The following LRRC4C variants were observed in gnomAD, a reference collection of about 807,000 sequenced individuals.
LRRC4C encodes the protein leucine-rich repeat-containing protein 4C.
Under a neutral mutation model 33.6 loss-of-function variants are expected in LRRC4C, and 5 were observed. The observed-to-expected ratio is 0.15, with a 90% confidence interval of 0.08 to 0.31. The LOEUF (loss-of-function observed/expected upper bound fraction) is 0.31, where lower values mean the gene tolerates loss of function less well. Ranked by LOEUF, LRRC4C falls within the 10% of genes least tolerant of loss-of-function variation. The pLI is 1.00. For synonymous variants in LRRC4C, 329 were observed against 302.0 expected, an observed-to-expected ratio of 1.09 and a Z score of -0.93; for missense variants, 560 against 796.7, an observed-to-expected ratio of 0.70 and a Z score of 3.58.
At chr11:40,679,567 T>A (rs114620761) in intron 2 of LRRC4C, among the ~76,000 whole-genome samples, 2,144 of 152,264 alleles carry the variant, frequency 0.014, 57 homozygotes, top group African/African-American at 0.045. Context: ...GGGCCTTGCA[T>A]CCCAGCATCT....
At chr11:40,382,158 AT>A (rs1027077416) in intron 3 of LRRC4C, among the ~76,000 whole-genome samples, 1 of 80,052 alleles carries the variant, frequency 1.2e-5, no homozygotes, top group Non-Finnish European at 2.6e-5. Context: ...TTTTTTTTGT[AT>A]TTCTAGTAGA....
chr11:41,167,307 C>T (rs986717563), intron 1 of LRRC4C, among the ~76,000 whole-genome samples: 2 of 152,158 alleles, frequency 1.3e-5, no homozygotes, highest in Non-Finnish European at 2.9e-5. Context: ...CTGCTAATTC[C>T]TCTGAGCAGG....
At chr11:40,141,908 A>G (rs542510564) in intron 5 of LRRC4C, among the ~76,000 whole-genome samples, 2 of 87,918 alleles carry the variant, frequency 2.3e-5, no homozygotes, top group East Asian at 5.8e-4. Flanking sequence ...AATGAATGTT[A>G]TTATTATGCA....
chr11:40,850,948 T>G (rs1464533176), intron 2 of LRRC4C, among the ~76,000 whole-genome samples: 2 of 151,230 alleles, frequency 1.3e-5, no homozygotes, highest in East Asian at 4.0e-4. Context: ...AACCACCTAC[T>G]CAAGCCTCAG....
At chr11:40,919,028 G>A (rs897688109) in intron 2 of LRRC4C, among the ~76,000 whole-genome samples, 35 of 152,068 alleles carry the variant, frequency 2.3e-4, no homozygotes, top group African/African-American at 8.5e-4. Flanking sequence ...ATAATTTGCT[G>A]CATTTGCTTT....
At chr11:41,031,230 C>A (rs1420597158) in intron 1 of LRRC4C, among the ~76,000 whole-genome samples, 1 of 151,920 alleles carries the variant, frequency 6.6e-6, no homozygotes, top group Non-Finnish European at 1.5e-5. Context: ...ACAGTTACTA[C>A]AGAAGCTACC....
In LRRC4C at chr11:41,372,785, CAAA is replaced by C. The variant is rs33945657; in HGVS notation, c.-496+86643_-496+86645del. 3.0e-3 allele frequency among the ~76,000 whole-genome samples: 349 copies of C among 118,014 alleles called. 2 individuals are homozygous for C. Among genetic ancestry groups the C allele is most frequent in the African/African-American group, 8.9e-3 (263 of 29,562 alleles). The allele number at this position is 118,014 out of a possible 152,430, so 77.4% of individuals were successfully genotyped here. On this transcript the variant is annotated intron_variant, in intron 1 of 6. Transcript: ENST00000528697. ...GTATGGTTTGTTTGCAAGAGGGCACCAAAAAAAAAAAAAAAAAAGAGTAACAGA... is the reference window on the plus strand; with the variant it reads ...GTATGGTTTGTTTGCAAGAGGGCACCAAAAAAAAAAAAAAAGAGTAACAGA...
intron 1 of LRRC4C, among the ~76,000 whole-genome samples, chr11:40,949,812 C>T (rs564786613): frequency 2.6e-5 from 4 of 151,790 alleles, no homozygotes; most frequent in Non-Finnish European, 5.9e-5. Context: ...CATCAACTAA[C>T]GAGCAAAATA....
intron 2 of LRRC4C, among the ~76,000 whole-genome samples, chr11:40,846,895 T>C (rs1383928487): frequency 6.6e-6 from 1 of 152,180 alleles, no homozygotes; most frequent in Non-Finnish European, 1.5e-5. Flanking sequence ...GTTGTATTTC[T>C]AGGTAATTTA....
chr11:40,763,963 G>A (rs1949340244), intron 2 of LRRC4C, among the ~76,000 whole-genome samples: 2 of 152,150 alleles, frequency 1.3e-5, no homozygotes, highest in African/African-American at 4.8e-5. Flanking sequence ...ATACAACCTA[G>A]TGAGACACAA....
intron 2 of LRRC4C, among the ~76,000 whole-genome samples, chr11:40,650,461 G>C (rs1942726475): frequency 6.6e-6 from 1 of 152,126 alleles, no homozygotes; most frequent in South Asian, 2.1e-4. Flanking sequence ...TGTATATGCT[G>C]TTTCCTTGTT....
In LRRC4C at chr11:41,281,042, T is replaced by TTCTCTCTCTCTCTCTCTCTCTCTCTC. The variant is rs71063910; in HGVS notation, c.-496+178363_-496+178388dup. On this transcript the variant is annotated intron_variant, in intron 1 of 6. Coordinates refer to ENST00000528697, the MANE Select transcript of LRRC4C (RefSeq NM_001258419.2). The stretch of plus-strand genomic sequence containing the variant: ...AGATAATCTCACTTAAATACATATT[T>TTCTCTCTCTCTCTCTCTCTCTCTCTC]TCTCTCTCTCTCTCTCTCTCTCTCT... Among the ~76,000 whole-genome samples, 13 of 76,214 alleles carry TTCTCTCTCTCTCTCTCTCTCTCTCTC rather than the reference T, an allele frequency of 1.7e-4. 1 individual carries two copies. The highest frequency in any genetic ancestry group is 1.1e-3 in the Admixed American group (5 of 4,552). 50.0% of individuals were successfully genotyped at this position (76,214 alleles called of 152,430 possible).
chr11:41,253,586 G>A (rs1458834387), intron 1 of LRRC4C, among the ~76,000 whole-genome samples: 1 of 152,076 alleles, frequency 6.6e-6, no homozygotes, highest in Non-Finnish European at 1.5e-5. Context: ...TCTTGTCCCA[G>A]CTCCATGATG....
At chr11:40,386,034 GA>G (rs2137400931) in intron 3 of LRRC4C, among the ~76,000 whole-genome samples, 2 of 150,754 alleles carry the variant, frequency 1.3e-5, no homozygotes, top group African/African-American at 4.8e-5. Flanking sequence ...ATGTACCCAT[GA>G]AACGAAAATA....
chr11:40,964,620 G>A (rs547818451), intron 1 of LRRC4C, among the ~76,000 whole-genome samples: 64 of 149,688 alleles, frequency 4.3e-4, no homozygotes, highest in African/African-American at 1.5e-3. Context: ...AATATGCGGT[G>A]TTTGGTTTTT....
At chr11:40,521,843 T>A (rs1955829627) in intron 3 of LRRC4C, among the ~76,000 whole-genome samples, 2 of 151,798 alleles carry the variant, frequency 1.3e-5, no homozygotes, top group Admixed American at 1.3e-4. Flanking sequence ...TACTCCAGCC[T>A]GGTGACAGAG....
At chr11:40,842,275 T>G (rs1270308890) in intron 2 of LRRC4C, among the ~76,000 whole-genome samples, 1 of 152,182 alleles carries the variant, frequency 6.6e-6, no homozygotes, top group Non-Finnish European at 1.5e-5. Flanking sequence ...TTCTGCCTCC[T>G]GCATCCCAAT....
chr11:40,425,405 A>T lies in LRRC4C; in HGVS notation c.-269-105684T>A, dbSNP rs937206797. Among the ~76,000 whole-genome samples, 6 of 152,298 alleles carry T rather than the reference A, an allele frequency of 3.9e-5. No homozygotes were observed. The South Asian group carries it at 6.2e-4, about 16-fold the overall frequency. On this transcript the variant is annotated intron_variant, in intron 3 of 6. Transcript: ENST00000528697. Reference sequence around the variant, plus strand: ...AGAAAGGGATGAGGTATTTTTGATGACTGGAGGAAATTTTGTTTGCGTCCT... The same window carrying T: ...AGAAAGGGATGAGGTATTTTTGATGTCTGGAGGAAATTTTGTTTGCGTCCT...
At chr11:40,634,720 T>TA (rs56122866) in intron 3 of LRRC4C, among the ~76,000 whole-genome samples, 6,398 of 145,772 alleles carry the variant, frequency 0.044, 225 homozygotes, top group African/African-American at 0.095. Flanking sequence ...AATAAGAAAA[T>TA]AAAAAAAAAA....
Sources: allele counts gnomAD v4.1 joint callset (sites outside exome capture counted in the v4.1 genomes callset), GRCh38; gene constraint gnomAD v4.1.1; transcripts MANE v1.5; gene names NCBI Gene and HGNC (gene_info 2026-07-23, HGNC 2026-07-21).